CNKSR2: variants seen among roughly 807,000 people sequenced by gnomAD.
CNKSR2 encodes the protein connector enhancer of kinase suppressor of Ras 2.
A neutral mutation model predicts 84.4 loss-of-function variants in CNKSR2; 14 were observed. The ratio of observed to expected loss-of-function variants is 0.17; its 90% CI spans 0.11 to 0.26. The LOEUF (loss-of-function observed/expected upper bound fraction) is 0.26, where lower values mean the gene tolerates loss of function less well. Ranked by LOEUF, CNKSR2 falls within the 10% of genes least tolerant of loss-of-function variation. CNKSR2 has a pLI of 1.00. For missense variants in CNKSR2, 485 were observed against 771.2 expected (o/e 0.63, Z 4.40); for synonymous variants, 275 against 277.9 (o/e 0.99, Z 0.10).
At chrX:21,621,446 G>A (rs1195152702) in intron 20 of CNKSR2, among the ~76,000 whole-genome samples, 5 of 111,257 alleles carry the variant, frequency 4.5e-5, no homozygotes, top group Non-Finnish European at 9.5e-5. Context: ...GTTTTATCAT[G>A]TATGATATTA....
intron 1 of CNKSR2, among the ~76,000 whole-genome samples, chrX:21,400,712 T>G (rs2090179495): frequency 9.0e-6 from 1 of 111,619 alleles, no homozygotes; most frequent in Non-Finnish European, 1.9e-5. Flanking sequence ...CCTTTTTATA[T>G]GTTTGTATAG....
chrX:21,383,492 G>C (rs912708918), intron 1 of CNKSR2, among the ~76,000 whole-genome samples: 2 of 111,999 alleles, frequency 1.8e-5, no homozygotes, highest in Non-Finnish European at 3.8e-5. Context: ...ACCAATATAT[G>C]ATAGTTTGTC....
chrX:21,522,181 G>GT (rs1158294903), intron 9 of CNKSR2, among the ~76,000 whole-genome samples: 1 of 110,990 alleles, frequency 9.0e-6, no homozygotes, highest in East Asian at 2.8e-4. Context: ...TTTGAACTGA[G>GT]TAAGGACTTA....
chrX:21,411,976 G>A (rs1438625674), intron 1 of CNKSR2, among the ~76,000 whole-genome samples: 1 of 111,659 alleles, frequency 9.0e-6, no homozygotes, highest in Non-Finnish European at 1.9e-5. Flanking sequence ...GTTGGTATCA[G>A]GAATTAGAAA....
chrX:21,377,435 G>T (rs2089834870), intron 1 of CNKSR2, among the ~76,000 whole-genome samples: 1 of 111,495 alleles, frequency 9.0e-6, no homozygotes, highest in African/African-American at 3.3e-5. Context: ...GCTAATTTAG[G>T]CTATAGCTTT....
intron 1 of CNKSR2, among the ~76,000 whole-genome samples, chrX:21,406,706 C>T (rs1046376905): frequency 9.9e-5 from 11 of 111,394 alleles, no homozygotes; most frequent in African/African-American, 2.9e-4. Context: ...TCTCCCCTCT[C>T]CATTCCTTTC....
At chrX:21,616,599 A>G (rs1212596888) in intron 20 of CNKSR2, among the ~76,000 whole-genome samples, 1 of 111,868 alleles carries the variant, frequency 8.9e-6, no homozygotes, top group South Asian at 3.7e-4. Context: ...TCCTCACATT[A>G]TGGCTGTTTT....
chrX:21,628,402 A>G (rs1169710781), intron 20 of CNKSR2, among the ~76,000 whole-genome samples: 1 of 111,598 alleles, frequency 9.0e-6, no homozygotes, highest in African/African-American at 3.3e-5. Context: ...GCTCCCCAGT[A>G]GGGACTCTGT....
At chrX:21,615,210 A>G (rs1475804320) in intron 20 of CNKSR2, among the ~76,000 whole-genome samples, 2 of 112,438 alleles carry the variant, frequency 1.8e-5, no homozygotes, top group Non-Finnish European at 3.8e-5. Context: ...AAATATATAT[A>G]TGCACATGCA....
chrX:21,510,662 A>G (rs2091662541), intron 8 of CNKSR2, among the ~76,000 whole-genome samples: 1 of 111,765 alleles, frequency 8.9e-6, no homozygotes, highest in Non-Finnish European at 1.9e-5. Context: ...ACAAAGGAAC[A>G]CCTGCTGTCT....
intron 4 of CNKSR2, 39 bp from the exon 5 acceptor site, chrX:21,470,727 G>T: frequency 1.5e-6 from 1 of 665,420 alleles, no homozygotes; most frequent in Non-Finnish European, 2.2e-6. Flanking sequence ...AAGAATGCTT[G>T]ATATTTTGAA....
At chrX:21,481,452 G>A in intron 5 of CNKSR2, among the ~76,000 whole-genome samples, 1 of 111,308 alleles carries the variant, frequency 9.0e-6, no homozygotes, top group Middle Eastern at 4.6e-3. Flanking sequence ...TGGCATTCAT[G>A]GTAGACAGGA....
rs200590362 is a variant in CNKSR2 at position 21,605,646 on chromosome X, TC to T, written c.2045-1132del. 4.8e-3 allele frequency among the ~76,000 whole-genome samples: 538 copies of T among 112,116 alleles called. 14 individuals carry two copies. Among genetic ancestry groups the T allele is most frequent in the Admixed American group, 0.037 (388 of 10,544 alleles). Reference sequence around the variant, plus strand: ...AGTTCAAATCCCAGATCTATTACTTTCTATTTGATATGTAGTAATTTCTTAA... The same window carrying T: ...AGTTCAAATCCCAGATCTATTACTTTTATTTGATATGTAGTAATTTCTTAA... On this transcript the variant is annotated intron_variant, in intron 18 of 21. Coordinates refer to ENST00000379510, the MANE Select transcript of CNKSR2 (RefSeq NM_014927.5).
At chrX:21,511,688 A>G (rs1420289431) in intron 8 of CNKSR2, among the ~76,000 whole-genome samples, 1 of 111,577 alleles carries the variant, frequency 9.0e-6, no homozygotes, top group Non-Finnish European at 1.9e-5. Flanking sequence ...AAGGAAACGT[A>G]TATTCATTAC....
At chrX:21,543,200 A>C (rs954345182) in intron 11 of CNKSR2, among the ~76,000 whole-genome samples, 1 of 112,296 alleles carries the variant, frequency 8.9e-6, no homozygotes, top group African/African-American at 3.2e-5. Context: ...ATCAGGTAAA[A>C]GTTCAGCTGT....
chrX:21,435,476 T>C (rs1053219715), intron 3 of CNKSR2, among the ~76,000 whole-genome samples: 4 of 111,640 alleles, frequency 3.6e-5, no homozygotes, highest in Non-Finnish European at 7.5e-5. Flanking sequence ...GCTCCTTACA[T>C]TTCCTAAATA....
intron 3 of CNKSR2, among the ~76,000 whole-genome samples, chrX:21,433,754 T>A (rs2147070579): frequency 9.2e-6 from 1 of 109,193 alleles, no homozygotes; most frequent in East Asian, 2.9e-4. Flanking sequence ...AGTAAAGCTT[T>A]TGTATTTTTA....
chrX:21,578,324 A>G (rs1036132226), intron 13 of CNKSR2, among the ~76,000 whole-genome samples: 1 of 111,597 alleles, frequency 9.0e-6, no homozygotes, highest in African/African-American at 3.3e-5. Flanking sequence ...TCATAAATCT[A>G]GAGTGGTCCC....
chrX:21,552,576 T>C (rs2092103130), intron 11 of CNKSR2, among the ~76,000 whole-genome samples: 1 of 112,178 alleles, frequency 8.9e-6, no homozygotes, highest in South Asian at 3.7e-4. Context: ...CAGATAAGCA[T>C]ATAGAACAAC....
Sources: allele counts gnomAD v4.1 joint callset (sites outside exome capture counted in the v4.1 genomes callset), GRCh38; gene constraint gnomAD v4.1.1; transcripts MANE v1.5; gene names NCBI Gene and HGNC (gene_info 2026-07-23, HGNC 2026-07-21).